The following RNGTT variants were observed in gnomAD, a reference collection of about 807,000 sequenced individuals.
RNGTT encodes mRNA-capping enzyme.
In RNGTT, 33 loss-of-function variants were observed where a neutral mutation model predicts 79.3. The ratio of observed to expected loss-of-function variants is 0.42; its 90% CI spans 0.32 to 0.56. RNGTT has a LOEUF of 0.56. Among genes scored for constraint, RNGTT ranks in the 20% least tolerant of loss-of-function variants. RNGTT has a pLI of 0.17. For synonymous variants in RNGTT, 222 were observed against 235.9 expected, an observed-to-expected ratio of 0.94 and a Z score of 0.54; for missense variants, 497 against 739.1, an observed-to-expected ratio of 0.67 and a Z score of 3.80.
intron 13 of RNGTT, among the ~76,000 whole-genome samples, chr6:88,767,534 A>G (rs1778500760): frequency 1.3e-5 from 2 of 152,060 alleles, no homozygotes; most frequent in Admixed American, 6.6e-5. Context: ...AAAAAACCCA[A>G]TGAAACAATC....
intron 1 of RNGTT, among the ~76,000 whole-genome samples, chr6:88,946,374 G>A (rs780743692): frequency 1.2e-4 from 18 of 152,016 alleles, no homozygotes; most frequent in Admixed American, 3.3e-4. Context: ...CCATTCCTCC[G>A]TCTCTCTCCC....
Position 88,676,383 on chromosome 6 carries a change from G to GA in RNGTT, c.1506+1969dup, listed in dbSNP as rs1182839974. Among the ~76,000 whole-genome samples the GA allele has an allele frequency of 2.8e-3, 414 of 149,004 alleles. 3 individuals are homozygous for GA. Among genetic ancestry groups the GA allele is most frequent in the African/African-American group, 0.01 (399 of 39,662 alleles). On this transcript the variant is annotated intron_variant, in intron 14 of 15. Transcript: ENST00000369485. ...GAGTAACATTCTGGAAAAAAAAGAT[G>GA]ACAAAAAAAAAGAACATCAATCCAT... is the stretch of plus-strand genomic sequence containing the variant.
At chr6:88,886,670 T>A (rs939772750) in intron 8 of RNGTT, among the ~76,000 whole-genome samples, 1 of 152,168 alleles carries the variant, frequency 6.6e-6, no homozygotes, top group Non-Finnish European at 1.5e-5. Context: ...GACATCTCAT[T>A]TTTAAAAGTA....
Position 88,828,065 on chromosome 6 carries a change from T to C in RNGTT, c.1269+16292A>G, listed in dbSNP as rs778979222. ...GCTAAGGGACAGATGGCCTCCTCAA[T>C]TGGGTCCCTGACCCCAGTGCCTACT... is the stretch of plus-strand genomic sequence containing the variant. On this transcript the variant is annotated intron_variant, in intron 11 of 15. Coordinates refer to ENST00000369485, the MANE Select transcript of RNGTT (RefSeq NM_003800.5). 3.9e-5 allele frequency among the ~76,000 whole-genome samples: 6 copies of C among 152,280 alleles called. No homozygotes were observed. The East Asian group carries it at 7.8e-4, about 20-fold the overall frequency.
chr6:88,625,528 CA>C (rs1174201164), intron 14 of RNGTT, among the ~76,000 whole-genome samples: 3 of 151,936 alleles, frequency 2.0e-5, no homozygotes, highest in Admixed American at 6.6e-5. Flanking sequence ...CTGGAAAACG[CA>C]AAACTATATC....
intron 4 of RNGTT, among the ~76,000 whole-genome samples, chr6:88,913,094 A>T (rs1488784020): frequency 6.6e-6 from 1 of 151,960 alleles, no homozygotes; most frequent in Non-Finnish European, 1.5e-5. Context: ...AATCCCAGCT[A>T]ATCGGGAGGC....
chr6:88,717,279 T>C (rs1776551620), intron 13 of RNGTT, among the ~76,000 whole-genome samples: 1 of 152,240 alleles, frequency 6.6e-6, no homozygotes, highest in Admixed American at 6.5e-5. Flanking sequence ...TTATAAATTG[T>C]TTACTAAAGG....
Position 88,680,534 on chromosome 6 carries a change from G to C in RNGTT, c.1440-2115C>G, listed in dbSNP as rs189558684. Among the ~76,000 whole-genome samples the C allele has an allele frequency of 2.2e-4, 34 of 152,118 alleles. No homozygotes were observed. The East Asian group carries it at 6.2e-3, about 28-fold the overall frequency. ...AGGAGGGGGGATCACCTGAGGTCAG[G>C]AGTTTGAGACCAGCCTGACCAACAT... On this transcript the variant is annotated intron_variant, in intron 13 of 15. Coordinates refer to ENST00000369485, the MANE Select transcript of RNGTT (RefSeq NM_003800.5).
intron 11 of RNGTT, among the ~76,000 whole-genome samples, chr6:88,821,025 G>A (rs1016273710): frequency 1.3e-5 from 2 of 152,022 alleles, no homozygotes; most frequent in Non-Finnish European, 2.9e-5. Flanking sequence ...AAGAATAAGA[G>A]CAACAACTGA....
chr6:88,831,243 G>A (rs1281223472), intron 11 of RNGTT, among the ~76,000 whole-genome samples: 1 of 152,168 alleles, frequency 6.6e-6, no homozygotes, highest in African/African-American at 2.4e-5. Context: ...TATCCACCAC[G>A]ATCAAGTCGG....
intron 1 of RNGTT, among the ~76,000 whole-genome samples, chr6:88,956,722 A>C (rs1256584121): frequency 6.6e-6 from 1 of 152,222 alleles, no homozygotes; most frequent in Non-Finnish European, 1.5e-5. Context: ...CCAGAGATGC[A>C]GAGATGGTTT....
chr6:88,694,593 T>A lies in RNGTT; in HGVS notation c.1440-16174A>T, dbSNP rs548104713. ...TTTTTCACAAAAATAGAAAAAAAAATTCTAAAATTCCTATGGGACTACAAA... is the reference window on the plus strand; with the variant it reads ...TTTTTCACAAAAATAGAAAAAAAAAATCTAAAATTCCTATGGGACTACAAA... On this transcript the variant is annotated intron_variant, in intron 13 of 15. Coordinates refer to ENST00000369485, the MANE Select transcript of RNGTT (RefSeq NM_003800.5). Among the ~76,000 whole-genome samples, 7 of 152,044 alleles carry A rather than the reference T, an allele frequency of 4.6e-5. 1 individual carries two copies. In the South Asian group the frequency reaches 1.2e-3, roughly 27 times the overall value.
At chr6:88,927,550 T>C (rs558962307) in intron 4 of RNGTT, among the ~76,000 whole-genome samples, 45 of 151,852 alleles carry the variant, frequency 3.0e-4, no homozygotes, top group Admixed American at 1.4e-3. Context: ...TAATCCCAGC[T>C]ACTCAGGAGG....
chr6:88,618,345 C>A lies in RNGTT; in HGVS notation c.1507-3950G>T, dbSNP rs568070527. 2.6e-5 allele frequency among the ~76,000 whole-genome samples: 4 copies of A among 152,220 alleles called. No individual in the cohort carries two copies. The South Asian group carries it at 8.3e-4, about 32-fold the overall frequency. On this transcript the variant is annotated intron_variant, in intron 14 of 15. Coordinates refer to ENST00000369485, the MANE Select transcript of RNGTT (RefSeq NM_003800.5). ...TATTTAACTAATAAAAATAATATCT[C>A]CCACATGTATACAAACTAAAAACAG...
chr6:88,805,491 T>C (rs971532205), intron 11 of RNGTT, among the ~76,000 whole-genome samples: 1 of 152,170 alleles, frequency 6.6e-6, no homozygotes, highest in Non-Finnish European at 1.5e-5. Context: ...ATGCAAAAGT[T>C]ACCTGGGAAT....
chr6:88,808,418 T>C (rs1780029680), intron 11 of RNGTT, among the ~76,000 whole-genome samples: 2 of 151,954 alleles, frequency 1.3e-5, no homozygotes, highest in Non-Finnish European at 2.9e-5. Context: ...TATAATGGAA[T>C]AAGAACATTC....
intron 1 of RNGTT, among the ~76,000 whole-genome samples, chr6:88,951,864 GA>G (rs35634551): frequency 5.3e-5 from 8 of 152,050 alleles, no homozygotes; most frequent in African/African-American, 9.7e-5. Context: ...GTCATGGGGG[GA>G]AAAAAGCTTC....
At chr6:88,866,002 A>G (rs1298381923) in intron 8 of RNGTT, among the ~76,000 whole-genome samples, 1 of 152,204 alleles carries the variant, frequency 6.6e-6, no homozygotes, top group African/African-American at 2.4e-5. Context: ...AATAACTGTC[A>G]TAACAATAAA....
At chr6:88,833,106 C>T (rs777203976) in intron 11 of RNGTT, among the ~76,000 whole-genome samples, 1 of 152,112 alleles carries the variant, frequency 6.6e-6, no homozygotes, top group African/African-American at 2.4e-5. Flanking sequence ...AATCATTCTA[C>T]TAAAAGACAC....
Sources: allele counts gnomAD v4.1 joint callset (sites outside exome capture counted in the v4.1 genomes callset), GRCh38; gene constraint gnomAD v4.1.1; transcripts MANE v1.5; gene names NCBI Gene and HGNC (gene_info 2026-07-23, HGNC 2026-07-21).